Variants in SLC12A8 observed in about 807,000 individuals in gnomAD.
The protein encoded by SLC12A8 is solute carrier family 12 member 8.
SLC12A8 carries 69 observed loss-of-function variants against 75.6 expected under a neutral mutation model. The ratio of observed to expected loss-of-function variants is 0.91; its 90% CI spans 0.75 to 1.11. SLC12A8 has a LOEUF of 1.11. Ranked by LOEUF, SLC12A8 falls within the 50% of genes most tolerant of loss-of-function variation. The probability of loss-of-function intolerance (pLI) is 0.00; values close to 1 mark genes in which losing one functional copy is unlikely to be tolerated. For synonymous variants in SLC12A8, 365 were observed against 372.8 expected, an observed-to-expected ratio of 0.98 and a Z score of 0.24; for missense variants, 877 against 896.7, an observed-to-expected ratio of 0.98 and a Z score of 0.28.
Position 125,138,883 on chromosome 3 carries a change from CA to C in SLC12A8, c.623-3102del, listed in dbSNP as rs1289401849. On this transcript the variant is annotated intron_variant, in intron 5 of 13. Transcript: ENST00000469902. ...ACACACACACACACACACACACACA[CA>C]CACACTTAGCAGGGCATGGTACTAG... is the stretch of plus-strand genomic sequence containing the variant. Among the ~76,000 whole-genome samples, 4 of 146,798 alleles carry C rather than the reference CA, an allele frequency of 2.7e-5. No individual in the cohort carries two copies. In the East Asian group the frequency reaches 7.8e-4, roughly 29 times the overall value.
At chr3:125,108,263 T>C in intron 9 of SLC12A8, 137 bp from the exon 10 acceptor site, 1 of 881,570 alleles carries the variant, frequency 1.1e-6, no homozygotes, top group African/African-American at 1.7e-5. Flanking sequence ...TCTATAAACT[T>C]GAGATAATAA....
intron 6 of SLC12A8, among the ~76,000 whole-genome samples, chr3:125,121,453 G>A (rs1022202038): frequency 6.6e-5 from 10 of 152,194 alleles, no homozygotes; most frequent in Non-Finnish European, 1.0e-4. Context: ...GGAAAGACCC[G>A]TGGAGGGGGT....
chr3:125,196,006 G>C (rs538742677), intron 2 of SLC12A8, among the ~76,000 whole-genome samples: 5 of 152,196 alleles, frequency 3.3e-5, no homozygotes, highest in Non-Finnish European at 7.3e-5. Context: ...AGGCGAACCA[G>C]TGAAACATCA....
At chr3:125,086,627 C>G (rs1390494278) in intron 13 of SLC12A8, among the ~76,000 whole-genome samples, 1 of 152,250 alleles carries the variant, frequency 6.6e-6, no homozygotes, top group Non-Finnish European at 1.5e-5. Flanking sequence ...AAACTCTACT[C>G]TTTCTCAGGA....
rs1016599626 is a variant in SLC12A8 at position 125,187,495 on chromosome 3, G to T, written c.199-67C>A. The T allele has an allele frequency of 1.4e-5, 21 of 1,451,332 alleles. No homozygotes were observed. In the South Asian group the frequency reaches 1.6e-4, roughly 11 times the overall value. 89.9% of individuals were successfully genotyped at this position (1,451,332 alleles called of 1,614,324 possible). On this transcript the variant is annotated intron_variant, in intron 3 of 13. Transcript: ENST00000469902. Reference sequence around the variant, plus strand: ...AGGCCCCGCCAGCTCCCTGCTGGGGGCATTGACCACCTCCCCTCCTCCCAC... The same window carrying T: ...AGGCCCCGCCAGCTCCCTGCTGGGGTCATTGACCACCTCCCCTCCTCCCAC...
chr3:125,151,358 G>A (rs1002747558), intron 5 of SLC12A8: 4 of 154,184 alleles, frequency 2.6e-5, no homozygotes, highest in African/African-American at 9.6e-5. Context: ...CATAAAAATG[G>A]TTGAGAGGCT....
At chr3:125,099,143 G>A (rs967444249) in intron 10 of SLC12A8, among the ~76,000 whole-genome samples, 4 of 151,812 alleles carry the variant, frequency 2.6e-5, no homozygotes, top group Non-Finnish European at 5.9e-5. Flanking sequence ...TCCACTGGCA[G>A]AGAGCAGAGC....
chr3:125,140,228 C>A (rs1159727362), intron 5 of SLC12A8, among the ~76,000 whole-genome samples: 1 of 152,248 alleles, frequency 6.6e-6, no homozygotes, highest in Non-Finnish European at 1.5e-5. Flanking sequence ...AGTGACTGAA[C>A]CCTTCCTACG....
intron 4 of SLC12A8, among the ~76,000 whole-genome samples, chr3:125,179,427 A>G (rs1934605600): frequency 6.6e-6 from 1 of 152,184 alleles, no homozygotes; most frequent in African/African-American, 2.4e-5. Context: ...GATCATATAA[A>G]AGGTGCTCTG....
intron 10 of SLC12A8, among the ~76,000 whole-genome samples, chr3:125,104,006 A>G (rs1191416104): frequency 1.3e-5 from 2 of 148,864 alleles, no homozygotes; most frequent in Non-Finnish European, 3.0e-5. Context: ...CAAGATTTAA[A>G]AAAAAAAAAA....
rs1439721143 is a variant in SLC12A8, at chr3:125,187,402, C to T, written c.225G>A (p.Met75Ile). The part of the protein sequence containing the change: ...LVGNTGVLLG[M>I]FLVSFVILVA... ...CCAGGATGACGAAGGACACCAGGAACATGCCCAGGAGCACTCCTGTGTTTC... is the reference window on the plus strand; with the variant it reads ...CCAGGATGACGAAGGACACCAGGAATATGCCCAGGAGCACTCCTGTGTTTC... The change falls in exon 4 of 14, where the codon ATG (methionine) becomes ATA (isoleucine). Residue 75 changes from methionine to isoleucine, a missense_variant. Coordinates refer to ENST00000469902, the MANE Select transcript of SLC12A8 (RefSeq NM_024628.6). 2.5e-6 allele frequency: 4 copies of T among 1,614,204 alleles called. No individual in the cohort carries two copies. The African/African-American group carries it at 5.3e-5, about 22-fold the overall frequency.
In SLC12A8 at chr3:125,088,342, C is replaced by G. The variant is rs756353344; in HGVS notation, c.1950G>C (p.Arg650=). ...LGSASNFSFF[R]WMRSLLLPSC... ...AGGGGAGCAAGAGAGACCTCATCCACCGGAAAAAGCTGAAGTTGGAGGCTG... is the reference window on the plus strand; with the variant it reads ...AGGGGAGCAAGAGAGACCTCATCCAGCGGAAAAAGCTGAAGTTGGAGGCTG... Residue 650 remains arginine (R), a synonymous_variant, in exon 13 of 14, where the codon CGG becomes CGC. Coordinates refer to ENST00000469902, the MANE Select transcript of SLC12A8 (RefSeq NM_024628.6). 1 of 1,614,158 alleles carries G rather than the reference C, an allele frequency of 6.2e-7. No homozygotes were observed. Among genetic ancestry groups the G allele is most frequent in the African/African-American group, 1.3e-5 (1 of 75,036 alleles).
At chr3:125,088,842 T>G (rs1938522410) in intron 12 of SLC12A8, among the ~76,000 whole-genome samples, 3 of 152,096 alleles carry the variant, frequency 2.0e-5, no homozygotes, top group Non-Finnish European at 1.5e-5. Context: ...TTTTAACAGG[T>G]GTTAAGTGAA....
chr3:125,203,436 A>G (rs947397968), intron 2 of SLC12A8, among the ~76,000 whole-genome samples: 3 of 152,210 alleles, frequency 2.0e-5, no homozygotes, highest in Non-Finnish European at 4.4e-5. Context: ...ATAAATCCAC[A>G]TATTTACAGC....
chr3:125,120,095 G>A (rs114941353), intron 7 of SLC12A8, among the ~76,000 whole-genome samples: 1 of 152,290 alleles, frequency 6.6e-6, no homozygotes, highest in African/African-American at 2.4e-5. Context: ...CGCAATCTAG[G>A]AAGCACATAC....
intron 10 of SLC12A8, among the ~76,000 whole-genome samples, chr3:125,097,341 A>G (rs1428588673): frequency 6.6e-6 from 1 of 152,118 alleles, no homozygotes; most frequent in Non-Finnish European, 1.5e-5. Flanking sequence ...GTGAGCCAAG[A>G]TCACACCACT....
At chr3:125,125,516 G>T (rs974699945) in intron 6 of SLC12A8, among the ~76,000 whole-genome samples, 1 of 152,102 alleles carries the variant, frequency 6.6e-6, no homozygotes, top group Non-Finnish European at 1.5e-5. Flanking sequence ...CCAAGATCAC[G>T]CCACTGCACT....
intron 8 of SLC12A8, among the ~76,000 whole-genome samples, chr3:125,112,942 T>TG (rs1939223779): frequency 6.6e-6 from 1 of 152,244 alleles, no homozygotes; most frequent in Admixed American, 6.5e-5. Context: ...TTGTAGCCAC[T>TG]GCATTCTCCC....
chr3:125,117,512 C>T (rs1939342126), intron 8 of SLC12A8, among the ~76,000 whole-genome samples: 1 of 151,796 alleles, frequency 6.6e-6, no homozygotes, highest in Admixed American at 6.6e-5. Flanking sequence ...GGGAGAATCA[C>T]CTGAGCCCTG....
Sources: allele counts gnomAD v4.1 joint callset (sites outside exome capture counted in the v4.1 genomes callset), GRCh38; gene constraint gnomAD v4.1.1; transcripts MANE v1.5; gene names NCBI Gene and HGNC (gene_info 2026-07-23, HGNC 2026-07-21).